The following PPP1R12B variants were observed in gnomAD, a reference collection of about 807,000 sequenced individuals.
The protein encoded by PPP1R12B is myosin phosphatase target subunit 2.
Under a neutral mutation model 126.1 loss-of-function variants are expected in PPP1R12B, and 76 were observed. That is an observed-to-expected ratio of 0.60 (90% CI 0.50 to 0.73). The LOEUF (loss-of-function observed/expected upper bound fraction) is 0.73, where lower values mean the gene tolerates loss of function less well. Among genes scored for constraint, PPP1R12B ranks in the 30% least tolerant of loss-of-function variants. PPP1R12B has a pLI of 0.00. For missense variants in PPP1R12B, 1,052 were observed against 1,205.1 expected (o/e 0.87, Z 1.88); for synonymous variants, 356 against 434.7 (o/e 0.82, Z 2.25).
chr1:202,362,065 CTT>C (rs112802595), intron 1 of PPP1R12B, among the ~76,000 whole-genome samples: 1 of 142,360 alleles, frequency 7.0e-6, no homozygotes, highest in African/African-American at 2.6e-5. Flanking sequence ...AGGCAGATTA[CTT>C]TTTTTTTTTT....
chr1:202,537,580 C>T (rs1396331684), intron 18 of PPP1R12B, among the ~76,000 whole-genome samples: 3 of 152,152 alleles, frequency 2.0e-5, no homozygotes, highest in Non-Finnish European at 4.4e-5. Flanking sequence ...GTTACTACTT[C>T]CTAGAAGTGG....
At position 202,438,549 on chromosome 1, in the gene PPP1R12B, G is replaced by T. The variant is rs375866230; in HGVS notation, c.1458+525G>T. On this transcript the variant is annotated intron_variant, in intron 10 of 23. Transcript: ENST00000608999. ...AGCTGCCCCCGCTGGGCATGGGACA[G>T]CCCCCGGTGGAAGAGGCTGAACAGC... is the stretch of plus-strand genomic sequence containing the variant. 80 of 427,956 alleles carry T rather than the reference G, an allele frequency of 1.9e-4. No homozygotes were observed. In the East Asian group the frequency reaches 4.2e-3, roughly 23 times the overall value. 26.5% of individuals were successfully genotyped at this position (427,956 alleles called of 1,614,324 possible).
intron 1 of PPP1R12B, among the ~76,000 whole-genome samples, chr1:202,383,482 G>A (rs889675829): frequency 6.6e-6 from 1 of 152,114 alleles, no homozygotes; most frequent in Non-Finnish European, 1.5e-5. Flanking sequence ...CCAGCGCTTT[G>A]GGAGGCTGAG....
At chr1:202,439,656 C>T (rs903781960) in intron 10 of PPP1R12B, 2 of 715,130 alleles carry the variant, frequency 2.8e-6, no homozygotes, top group African/African-American at 1.8e-5. Flanking sequence ...CACTGCCCTT[C>T]CTGGTCCGGC....
intron 18 of PPP1R12B, among the ~76,000 whole-genome samples, chr1:202,524,064 A>G (rs1683069328): frequency 6.6e-6 from 1 of 152,196 alleles, no homozygotes; most frequent in Non-Finnish European, 1.5e-5. Context: ...TTGAGATTAG[A>G]CTTCAGACAA....
chr1:202,437,103 G>A (rs1424387494), intron 9 of PPP1R12B, among the ~76,000 whole-genome samples: 3 of 152,122 alleles, frequency 2.0e-5, no homozygotes, highest in Non-Finnish European at 4.4e-5. Flanking sequence ...GCTGAGATGC[G>A]AGGATTGCTC....
chr1:202,553,351 C>T (rs1686515858), intron 18 of PPP1R12B, among the ~76,000 whole-genome samples: 1 of 152,128 alleles, frequency 6.6e-6, no homozygotes, highest in Non-Finnish European at 1.5e-5. Context: ...AGTTCAGACA[C>T]ACTAGAGAGT....
intron 6 of PPP1R12B, among the ~76,000 whole-genome samples, chr1:202,429,871 A>G (rs1669986101): frequency 6.6e-6 from 1 of 152,202 alleles, no homozygotes. Context: ...TGTGTTCAGC[A>G]TTATGTCTGG....
intron 1 of PPP1R12B, among the ~76,000 whole-genome samples, chr1:202,354,911 T>A (rs1242754799): frequency 6.6e-6 from 1 of 151,386 alleles, no homozygotes; most frequent in African/African-American, 2.4e-5. Context: ...CTGCAAGCTC[T>A]GCCTCCCGGG....
At chr1:202,553,700 T>C (rs1208328359) in intron 18 of PPP1R12B, among the ~76,000 whole-genome samples, 1 of 152,150 alleles carries the variant, frequency 6.6e-6, no homozygotes, top group African/African-American at 2.4e-5. Flanking sequence ...ATCATCGATT[T>C]GGCTGGAGTC....
chr1:202,444,767 A>G (rs1572055603), intron 12 of PPP1R12B, among the ~76,000 whole-genome samples: 1 of 152,134 alleles, frequency 6.6e-6, no homozygotes, highest in South Asian at 2.1e-4. Flanking sequence ...TCCCTCATTC[A>G]GTATCATCTC....
At chr1:202,574,498 A>G (rs1399350147) in intron 23 of PPP1R12B, among the ~76,000 whole-genome samples, 1 of 152,190 alleles carries the variant, frequency 6.6e-6, no homozygotes, top group Non-Finnish European at 1.5e-5. Context: ...GTCGGACCCT[A>G]TCTCAGATAA....
intron 13 of PPP1R12B, among the ~76,000 whole-genome samples, chr1:202,476,407 G>A (rs1021545119): frequency 5.3e-5 from 8 of 151,262 alleles, no homozygotes; most frequent in Non-Finnish European, 1.2e-4. Flanking sequence ...TCTATGGCCA[G>A]GCTGTGGTGG....
intron 18 of PPP1R12B, among the ~76,000 whole-genome samples, chr1:202,512,080 A>T (rs1464861363): frequency 6.6e-6 from 1 of 152,224 alleles, no homozygotes; most frequent in Non-Finnish European, 1.5e-5. Flanking sequence ...ACTGGGTGAG[A>T]TCACCAAAAA....
chr1:202,437,754 G>A (rs923631749), intron 9 of PPP1R12B, 67 bp from the exon 10 acceptor site: 2 of 1,428,690 alleles, frequency 1.4e-6, no homozygotes, highest in Non-Finnish European at 9.5e-7. Context: ...TGTGGAAAAG[G>A]CAAATAGGCT....
At chr1:202,435,097 T>C (rs544024569) in intron 9 of PPP1R12B, among the ~76,000 whole-genome samples, 1 of 152,222 alleles carries the variant, frequency 6.6e-6, no homozygotes, top group African/African-American at 2.4e-5. Flanking sequence ...TCTCTTCTTA[T>C]AAGGTAACCA....
intron 11 of PPP1R12B, among the ~76,000 whole-genome samples, chr1:202,441,777 T>C (rs1247870493): frequency 6.6e-6 from 1 of 152,126 alleles, no homozygotes; most frequent in African/African-American, 2.4e-5. Context: ...GGTAACAGAC[T>C]TCTTCATCTT....
At chr1:202,482,197 C>T (rs1677477708) in intron 13 of PPP1R12B, among the ~76,000 whole-genome samples, 1 of 152,128 alleles carries the variant, frequency 6.6e-6, no homozygotes, top group South Asian at 2.1e-4. Context: ...GCCATAAACA[C>T]GGTAAGGCAG....
intron 23 of PPP1R12B, chr1:202,575,070 G>A: frequency 1.2e-6 from 2 of 1,613,592 alleles, no homozygotes; most frequent in East Asian, 2.2e-5. Flanking sequence ...CTGAGAACAG[G>A]GCCCTGACCC....
Sources: allele counts gnomAD v4.1 joint callset (sites outside exome capture counted in the v4.1 genomes callset), GRCh38; gene constraint gnomAD v4.1.1; transcripts MANE v1.5; gene names NCBI Gene and HGNC (gene_info 2026-07-23, HGNC 2026-07-21).